TNIP3: variants seen among roughly 807,000 people sequenced by gnomAD.
TNIP3 encodes TNFAIP3-interacting protein 3.
TNIP3 carries 34 observed loss-of-function variants against 54.1 expected under a neutral mutation model. The ratio of observed to expected loss-of-function variants is 0.63; its 90% confidence interval spans 0.48 to 0.84. TNIP3 has a LOEUF of 0.84. TNIP3 is among the 40% of genes least tolerant of loss of function. The pLI is 0.00. For missense variants in TNIP3, 366 were observed against 387.6 expected, an observed-to-expected ratio of 0.94 and a Z score of 0.47; for synonymous variants, 134 against 136.8, an observed-to-expected ratio of 0.98 and a Z score of 0.14.
At chr4:121,223,052 G>A (rs1727106267) in intron 1 of TNIP3, among the ~76,000 whole-genome samples, 1 of 152,110 alleles carries the variant, frequency 6.6e-6, no homozygotes, top group Non-Finnish European at 1.5e-5. Flanking sequence ...TGATCCGCCC[G>A]CCTCGGCCTC....
upstream of TNIP3, among the ~76,000 whole-genome samples, chr4:121,165,661 G>GTT (rs1218317280): frequency 8.2e-6 from 1 of 121,724 alleles, no homozygotes; most frequent in Non-Finnish European, 1.6e-5. Flanking sequence ...TTGCTAGTTT[G>GTT]TGTGTGTGTG....
At chr4:121,168,035 A>G (rs1730859938), upstream of TNIP3, among the ~76,000 whole-genome samples, 1 of 152,128 alleles carries the variant, frequency 6.6e-6, no homozygotes, top group Non-Finnish European at 1.5e-5. Flanking sequence ...AAAATCTTGG[A>G]GTCATCCTTG....
At chr4:121,165,263 A>G (rs549840047), upstream of TNIP3, among the ~76,000 whole-genome samples, 10 of 150,914 alleles carry the variant, frequency 6.6e-5, no homozygotes, top group Admixed American at 2.7e-4. Context: ...ATCTCCCCCT[A>G]CTCTCCAACT....
intron 2 of TNIP3, among the ~76,000 whole-genome samples, chr4:121,183,462 C>T (rs1724830092): frequency 6.6e-6 from 1 of 152,216 alleles, no homozygotes; most frequent in African/African-American, 2.4e-5. Context: ...AAAATTAAAC[C>T]AGAGCTTCCT....
chr4:121,219,735 A>G (rs987507713), upstream of TNIP3, among the ~76,000 whole-genome samples: 3 of 152,224 alleles, frequency 2.0e-5, no homozygotes, highest in African/African-American at 4.8e-5. Flanking sequence ...TATTGTTTAC[A>G]TTTATGTTGC....
chr4:121,214,009 C>G, intron 2 of TNIP3, among the ~76,000 whole-genome samples: 1 of 152,112 alleles, frequency 6.6e-6, no homozygotes, highest in East Asian at 1.9e-4. Context: ...CTTTATTTTC[C>G]TTTGAAAGGA....
chr4:121,208,437 A>C (rs1191110951), intron 2 of TNIP3, among the ~76,000 whole-genome samples: 1 of 152,136 alleles, frequency 6.6e-6, no homozygotes, highest in African/African-American at 2.4e-5. Context: ...CTGACTCAGC[A>C]CAAGAGGGCA....
At chr4:121,156,176 G>A (rs1412618486) in intron 4 of TNIP3, among the ~76,000 whole-genome samples, 6 of 152,156 alleles carry the variant, frequency 3.9e-5, no homozygotes, top group Admixed American at 3.9e-4. Flanking sequence ...TTGTCTGCGC[G>A]AATTTCAGAC....
At chr4:121,193,317 G>C (rs569936909) in intron 2 of TNIP3, among the ~76,000 whole-genome samples, 1 of 151,902 alleles carries the variant, frequency 6.6e-6, no homozygotes, top group Non-Finnish European at 1.5e-5. Flanking sequence ...ATTTCTTTTC[G>C]TGCCAGAAAT....
intron 2 of TNIP3, among the ~76,000 whole-genome samples, chr4:121,200,255 C>G (rs1469955202): frequency 6.6e-6 from 1 of 152,056 alleles, no homozygotes. Flanking sequence ...GAGACAACTG[C>G]AGAAGAGTTT....
chr4:121,138,404 G>C (rs749665649), intron 10 of TNIP3, among the ~76,000 whole-genome samples: 1 of 152,222 alleles, frequency 6.6e-6, no homozygotes, highest in Non-Finnish European at 1.5e-5. Context: ...AAAAGGAACA[G>C]AAGCCAGAAT....
At chr4:121,218,528 C>T (rs182500169), upstream of TNIP3, among the ~76,000 whole-genome samples, 435 of 148,536 alleles carry the variant, frequency 2.9e-3, 3 homozygotes, top group African/African-American at 0.01. Context: ...CTTCCTTCCT[C>T]CCTCCCTCCC....
intron 10 of TNIP3, among the ~76,000 whole-genome samples, chr4:121,134,679 G>A (rs1728674622): frequency 6.6e-6 from 1 of 152,186 alleles, no homozygotes; most frequent in Non-Finnish European, 1.5e-5. Context: ...CAGTAACTGA[G>A]AGCAAAGCTG....
At chr4:121,154,170 C>A in intron 5 of TNIP3, 2 of 273,832 alleles carry the variant, frequency 7.3e-6, no homozygotes. Context: ...ACACCCAACT[C>A]CATAGTGATC....
At chr4:121,183,066 A>G (rs1724807550) in intron 2 of TNIP3, among the ~76,000 whole-genome samples, 1 of 152,280 alleles carries the variant, frequency 6.6e-6, no homozygotes, top group Admixed American at 6.5e-5. Context: ...TGAATCGAAC[A>G]CTCACGGTGA....
intron 2 of TNIP3, among the ~76,000 whole-genome samples, chr4:121,195,858 G>A (rs1448352366): frequency 2.0e-5 from 3 of 152,204 alleles, no homozygotes; most frequent in Non-Finnish European, 4.4e-5. Flanking sequence ...AGGGAGTGAA[G>A]TGAACTGGTT....
intron 2 of TNIP3, among the ~76,000 whole-genome samples, chr4:121,188,712 C>T (rs932944673): frequency 2.0e-5 from 3 of 152,142 alleles, no homozygotes; most frequent in Non-Finnish European, 4.4e-5. Context: ...TGTTCTAACA[C>T]TTCTCCATTA....
intron 10 of TNIP3, chr4:121,136,754 C>T (rs1728808859): frequency 6.7e-6 from 1 of 149,200 alleles, no homozygotes; most frequent in Non-Finnish European, 1.5e-5. Flanking sequence ...ATTCATGAGG[C>T]TGAGGTGGGA....
chr4:121,183,503 A>T (rs1579456200), intron 2 of TNIP3, among the ~76,000 whole-genome samples: 1 of 152,326 alleles, frequency 6.6e-6, no homozygotes, highest in Non-Finnish European at 1.5e-5. Flanking sequence ...TTTCCTTTAT[A>T]CCAGGGGTCC....
Sources: gnomAD v4.1 joint callset for allele counts (sites outside exome capture counted in the v4.1 genomes callset) on GRCh38, gnomAD v4.1.1 for gene constraint, MANE v1.5 for transcripts, NCBI Gene and HGNC (gene_info 2026-07-23, HGNC 2026-07-21) for gene names.